The following LIMCH1 variants were observed in gnomAD, a reference collection of about 807,000 sequenced individuals.
The protein encoded by LIMCH1 is LIM and calponin homology domains-containing protein 1.
A neutral mutation model predicts 176.5 loss-of-function variants in LIMCH1; 113 were observed. The observed-to-expected ratio is 0.64, with a 90% confidence interval of 0.55 to 0.75. The LOEUF (loss-of-function observed/expected upper bound fraction) is 0.75, where lower values mean the gene tolerates loss of function less well. LIMCH1 is among the 30% of genes least tolerant of loss of function. The pLI, the probability that LIMCH1 is intolerant of heterozygous loss-of-function variation, is 0.00. For synonymous variants in LIMCH1, 619 were observed against 645.9 expected, an observed-to-expected ratio of 0.96 and a Z score of 0.63; for missense variants, 1,674 against 1,814.9, an observed-to-expected ratio of 0.92 and a Z score of 1.41.
In LIMCH1 at chr4:41,631,468, ATGAC is replaced by A; in HGVS notation, c.1595_1598del (p.Asp532AlafsTer4). The A allele has an allele frequency of 1.3e-6, 2 of 1,511,670 alleles. No individual in the cohort carries two copies. The highest frequency in any genetic ancestry group is 1.3e-5 in the South Asian group (1 of 79,484). 93.6% of individuals were successfully genotyped at this position (1,511,670 alleles called of 1,614,324 possible). On this transcript the variant is annotated frameshift_variant, in exon 10 of 32. Transcript: ENST00000503057. LOFTEE classifies it high-confidence loss of function. ...GGCCACCAAATATTTAATCGACAAA[ATGAC>A]TGCAGGTATTTTTTGCCATACGTGT...
intron 2 of LIMCH1, among the ~76,000 whole-genome samples, chr4:41,505,567 C>G (rs1168218733): frequency 6.6e-6 from 1 of 152,082 alleles, no homozygotes; most frequent in East Asian, 1.9e-4. Context: ...CATTTTCTCC[C>G]ATCCATCCAG....
At chr4:41,621,716 A>G (rs114274385) in intron 7 of LIMCH1, among the ~76,000 whole-genome samples, 2,070 of 151,978 alleles carry the variant, frequency 0.014, 58 homozygotes, top group African/African-American at 0.047. Context: ...TGGCCAGGCT[A>G]GTCTAAGAGG....
intron 1 of LIMCH1, among the ~76,000 whole-genome samples, chr4:41,406,169 C>A (rs1275878011): frequency 4.6e-5 from 7 of 152,166 alleles, no homozygotes; most frequent in Admixed American, 3.9e-4. Context: ...CTTCTGGGAC[C>A]AAATCCAGTG....
At chr4:41,473,048 G>A in intron 1 of LIMCH1, 1 of 984,228 alleles carries the variant, frequency 1.0e-6, no homozygotes, top group Non-Finnish European at 1.2e-6. Flanking sequence ...AAATAATAAT[G>A]TAATTCCATT....
intron 1 of LIMCH1, among the ~76,000 whole-genome samples, chr4:41,476,713 T>C (rs189192263): frequency 2.4e-4 from 37 of 152,146 alleles, no homozygotes; most frequent in African/African-American, 8.0e-4. Context: ...TCCTTCCTTC[T>C]GTTCCCCTCC....
At chr4:41,479,572 A>G (rs567600594) in intron 1 of LIMCH1, among the ~76,000 whole-genome samples, 2 of 152,356 alleles carry the variant, frequency 1.3e-5, no homozygotes, top group South Asian at 2.1e-4. Context: ...TAAGGTGAAC[A>G]GTGATGCCCT....
At position 41,652,248 on chromosome 4, in the gene LIMCH1, A is replaced by AT. The variant is rs984831171; in HGVS notation, c.3036+1650dup. On this transcript the variant is annotated intron_variant, in intron 18 of 31. Transcript: ENST00000503057. ...GATTAGTCTTTTGAAGACTAAAATT[A>AT]TTTTTTTTTTCAGAGGAGTTGAGAA... 5.5e-4 allele frequency among the ~76,000 whole-genome samples: 83 copies of AT among 150,192 alleles called. 1 individual carries two copies. Among genetic ancestry groups the AT allele is most frequent in the African/African-American group, 1.7e-3 (71 of 40,950 alleles).
At chr4:41,613,417 G>C (rs2152799859) in intron 4 of LIMCH1, 49 bp from the exon 5 acceptor site, 4 of 1,520,306 alleles carry the variant, frequency 2.6e-6, no homozygotes, top group Non-Finnish European at 3.6e-6. Flanking sequence ...CTTCCTGATA[G>C]TGTAGGCTAG....
At chr4:41,596,770 G>A (rs991880120) in intron 1 of LIMCH1, among the ~76,000 whole-genome samples, 1 of 152,152 alleles carries the variant, frequency 6.6e-6, no homozygotes, top group Admixed American at 6.5e-5. Context: ...GAAAGTAACC[G>A]AAGGAGAAAC....
chr4:41,519,970 C>T (rs1380720494), intron 2 of LIMCH1, among the ~76,000 whole-genome samples: 3 of 152,160 alleles, frequency 2.0e-5, no homozygotes, highest in Admixed American at 1.3e-4. Context: ...CTTCATCAAG[C>T]TGAATGTTGT....
chr4:41,403,075 A>C (rs1252887496), intron 1 of LIMCH1, among the ~76,000 whole-genome samples: 1 of 152,140 alleles, frequency 6.6e-6, no homozygotes, highest in Non-Finnish European at 1.5e-5. Flanking sequence ...GATTTTACAT[A>C]GTTATCACAA....
chr4:41,440,871 A>G (rs1418664997), intron 1 of LIMCH1, among the ~76,000 whole-genome samples: 3 of 152,134 alleles, frequency 2.0e-5, no homozygotes, highest in African/African-American at 7.2e-5. Context: ...ACCTATTTCT[A>G]TGGTGACTAA....
At chr4:41,480,516 A>G (rs2068419144) in intron 1 of LIMCH1, among the ~76,000 whole-genome samples, 1 of 152,182 alleles carries the variant, frequency 6.6e-6, no homozygotes, top group Non-Finnish European at 1.5e-5. Flanking sequence ...CTGAGGCAGG[A>G]GAATCTCTTG....
chr4:41,610,116 G>A (rs537701818), intron 4 of LIMCH1, among the ~76,000 whole-genome samples: 12 of 152,186 alleles, frequency 7.9e-5, no homozygotes, highest in Non-Finnish European at 1.5e-4. Context: ...CTACACAGCC[G>A]TGAATATAAC....
At chr4:41,482,559 G>A (rs1341781753) in intron 1 of LIMCH1, among the ~76,000 whole-genome samples, 1 of 152,118 alleles carries the variant, frequency 6.6e-6, no homozygotes, top group African/African-American at 2.4e-5. Flanking sequence ...AATCAAATGA[G>A]AAAAATGTCT....
At chr4:41,370,689 T>TA (rs2154097086) in intron 1 of LIMCH1, among the ~76,000 whole-genome samples, 2 of 152,234 alleles carry the variant, frequency 1.3e-5, no homozygotes, top group East Asian at 3.9e-4. Flanking sequence ...ATAATAGTGA[T>TA]AAAAATGGCT....
At chr4:41,499,366 T>C (rs112015876) in intron 2 of LIMCH1, among the ~76,000 whole-genome samples, 61 of 152,324 alleles carry the variant, frequency 4.0e-4, no homozygotes, top group African/African-American at 1.2e-3. Flanking sequence ...ATCATGAAAC[T>C]TGACTCCTAA....
intron 1 of LIMCH1, among the ~76,000 whole-genome samples, chr4:41,446,400 G>T (rs1487322570): frequency 6.6e-6 from 1 of 152,182 alleles, no homozygotes; most frequent in Admixed American, 6.5e-5. Flanking sequence ...CATTAGGGAA[G>T]GGAAAGACAT....
intron 25 of LIMCH1, 60 bp downstream of exon 25, chr4:41,681,119 C>A (rs1344831752): frequency 2.0e-6 from 2 of 1,016,646 alleles, no homozygotes; most frequent in East Asian, 2.4e-5. Flanking sequence ...AAGTACCAAA[C>A]CCCAAGACCA....
Sources: gnomAD v4.1 joint callset for allele counts (sites outside exome capture counted in the v4.1 genomes callset) on GRCh38, gnomAD v4.1.1 for gene constraint, MANE v1.5 for transcripts, NCBI Gene and HGNC (gene_info 2026-07-23, HGNC 2026-07-21) for gene names.